SGMS1: variants seen among roughly 807,000 people sequenced by gnomAD.
SGMS1 encodes phosphatidylcholine:ceramide cholinephosphotransferase 1.
Under a neutral mutation model 46.2 loss-of-function variants are expected in SGMS1, and 13 were observed. The observed-to-expected ratio is 0.28, with a 90% CI of 0.18 to 0.45. SGMS1 has a LOEUF of 0.45. Among genes scored for constraint, SGMS1 ranks in the 20% least tolerant of loss-of-function variants. SGMS1 has a pLI of 1.00. For synonymous variants in SGMS1, 203 were observed against 187.8 expected (o/e 1.08, Z -0.66); for missense variants, 324 against 519.9 (o/e 0.62, Z 3.66).
intron 2 of SGMS1, among the ~76,000 whole-genome samples, chr10:50,569,330 C>A (rs909822578): frequency 7.6e-5 from 11 of 145,076 alleles, no homozygotes; most frequent in East Asian, 4.1e-4. Flanking sequence ...GTGGTTTAGA[C>A]GTTCACTTTT....
At chr10:50,346,796 G>A (rs779562656) in intron 6 of SGMS1, among the ~76,000 whole-genome samples, 33 of 152,000 alleles carry the variant, frequency 2.2e-4, no homozygotes, top group Non-Finnish European at 4.1e-4. Context: ...TATCTCCTGG[G>A]TGCAAGTGAT....
At chr10:50,552,009 A>G (rs1345596164) in intron 2 of SGMS1, among the ~76,000 whole-genome samples, 1 of 152,178 alleles carries the variant, frequency 6.6e-6, no homozygotes, top group Non-Finnish European at 1.5e-5. Context: ...CTATTATAGC[A>G]CCAAAACAGT....
chr10:50,571,592 A>G (rs1838337000), intron 2 of SGMS1, among the ~76,000 whole-genome samples: 1 of 152,186 alleles, frequency 6.6e-6, no homozygotes, highest in African/African-American at 2.4e-5. Context: ...TAATAGAATG[A>G]TAATAACATC....
intron 2 of SGMS1, among the ~76,000 whole-genome samples, chr10:50,566,369 C>T (rs757011874): frequency 1.3e-5 from 2 of 151,972 alleles, no homozygotes; most frequent in East Asian, 3.9e-4. Context: ...AAAACAGATG[C>T]TTTCTCTATT....
intron 3 of SGMS1, among the ~76,000 whole-genome samples, chr10:50,468,183 G>C (rs999403089): frequency 6.6e-6 from 1 of 152,192 alleles, no homozygotes; most frequent in Non-Finnish European, 1.5e-5. Context: ...CCAGTTGACA[G>C]ATACCAATAC....
intron 2 of SGMS1, among the ~76,000 whole-genome samples, chr10:50,577,462 C>T (rs1838395449): frequency 6.6e-6 from 1 of 152,078 alleles, no homozygotes; most frequent in African/African-American, 2.4e-5. Context: ...ACAAAAGGTC[C>T]CTTTCCTAAC....
At chr10:50,624,078 C>T (rs1298375522), upstream of SGMS1, 7 of 985,150 alleles carry the variant, frequency 7.1e-6, no homozygotes, top group African/African-American at 1.0e-4. Flanking sequence ...GCGGGGGGCT[C>T]CTCCCGGGAC....
chr10:50,490,188 T>C (rs967050773), intron 3 of SGMS1, among the ~76,000 whole-genome samples: 5 of 152,302 alleles, frequency 3.3e-5, no homozygotes, highest in African/African-American at 1.2e-4. Context: ...GGGAGTTGGA[T>C]GAAATGCTAC....
At chr10:50,566,457 T>G (rs542386984) in intron 2 of SGMS1, among the ~76,000 whole-genome samples, 49 of 152,354 alleles carry the variant, frequency 3.2e-4, no homozygotes, top group African/African-American at 1.1e-3. Flanking sequence ...TTCTTCTGTT[T>G]TTAAATTTCT....
chr10:50,507,655 T>C lies in SGMS1; in HGVS notation c.-498+12176A>G, dbSNP rs575458139. On this transcript the variant is annotated intron_variant, in intron 3 of 10. Transcript: ENST00000361781. ...CACTTGCATCCAACTGAATTTACCA[T>C]AGAATCCAACCACCTCTTTTTTTCC... 8.5e-5 allele frequency among the ~76,000 whole-genome samples: 13 copies of C among 152,286 alleles called. 1 individual carries two copies. In the South Asian group the frequency reaches 1.0e-3, roughly 12 times the overall value.
chr10:50,604,844 G>A lies in SGMS1; in HGVS notation c.-683-14597C>T, dbSNP rs1459488898. ...CAGACTCCAAAAAAATGACTAAAAA[G>A]ATCATACAAGAAATATAAATATAAC... On this transcript the variant is annotated intron_variant, in intron 1 of 10. Coordinates refer to ENST00000361781, the MANE Select transcript of SGMS1 (RefSeq NM_147156.4). 6.2e-5 allele frequency among the ~76,000 whole-genome samples: 6 copies of A among 96,334 alleles called. No individual in the cohort carries two copies. The South Asian group carries it at 1.4e-3, about 23-fold the overall frequency. The allele number at this position is 96,334 out of a possible 152,430, so 63.2% of individuals were successfully genotyped here. A position where few individuals can be genotyped will look rare whatever the true frequency, so the allele number is the denominator to read the frequency against.
intron 6 of SGMS1, among the ~76,000 whole-genome samples, chr10:50,394,618 T>A (rs558731463): frequency 6.6e-6 from 1 of 152,338 alleles, no homozygotes; most frequent in East Asian, 1.9e-4. Flanking sequence ...TCAAAATAAA[T>A]CTGAGGTTAT....
chr10:50,496,463 A>G (rs1837616069), intron 3 of SGMS1, among the ~76,000 whole-genome samples: 1 of 152,146 alleles, frequency 6.6e-6, no homozygotes, highest in Non-Finnish European at 1.5e-5. Context: ...ACTCCACACT[A>G]TGCCCATCAC....
intron 6 of SGMS1, among the ~76,000 whole-genome samples, chr10:50,401,606 C>T (rs999032085): frequency 6.6e-6 from 1 of 152,138 alleles, no homozygotes; most frequent in Non-Finnish European, 1.5e-5. Context: ...TATATGCCAC[C>T]AAAACTTTAC....
At chr10:50,360,781 C>A (rs1848234124) in intron 6 of SGMS1, among the ~76,000 whole-genome samples, 1 of 152,214 alleles carries the variant, frequency 6.6e-6, no homozygotes, top group Admixed American at 6.5e-5. Flanking sequence ...ACAACACTCA[C>A]TTCCTTTCCC....
chr10:50,466,417 C>G (rs577679947), intron 4 of SGMS1, among the ~76,000 whole-genome samples: 9 of 152,174 alleles, frequency 5.9e-5, no homozygotes, highest in Middle Eastern at 3.4e-3. Flanking sequence ...TTCATCTACA[C>G]AGAAAGAATG....
intron 7 of SGMS1, among the ~76,000 whole-genome samples, chr10:50,329,585 C>A (rs1847584709): frequency 6.6e-6 from 1 of 152,224 alleles, no homozygotes; most frequent in African/African-American, 2.4e-5. Flanking sequence ...GTATGCACTT[C>A]TGGGCGTTCA....
intron 6 of SGMS1, among the ~76,000 whole-genome samples, chr10:50,353,798 G>A (rs940833816): frequency 8.6e-5 from 13 of 151,956 alleles, no homozygotes; most frequent in South Asian, 4.2e-4. Context: ...ACCAATAACA[G>A]ACAAACAGAG....
chr10:50,437,204 C>T (rs917692703), intron 5 of SGMS1, among the ~76,000 whole-genome samples: 2 of 152,122 alleles, frequency 1.3e-5, no homozygotes, highest in Admixed American at 6.6e-5. Context: ...AAGAGGTATC[C>T]CAGTATGCTC....
Sources: allele counts gnomAD v4.1 joint callset (sites outside exome capture counted in the v4.1 genomes callset), GRCh38; gene constraint gnomAD v4.1.1; transcripts MANE v1.5; gene names NCBI Gene and HGNC (gene_info 2026-07-23, HGNC 2026-07-21).